The following CDH13 variants were observed in gnomAD, a reference collection of about 807,000 sequenced individuals.
CDH13 encodes the protein cadherin-13.
Under a neutral mutation model 63.8 loss-of-function variants are expected in CDH13, and 24 were observed. That is an observed-to-expected ratio of 0.38 (90% CI 0.27 to 0.53). The LOEUF (loss-of-function observed/expected upper bound fraction) is 0.53. CDH13 is among the 20% of genes least tolerant of loss of function. The probability of loss-of-function intolerance (pLI) is 0.85; values close to 1 mark genes in which losing one functional copy is unlikely to be tolerated. For missense variants in CDH13, 1,049 were observed against 903.1 expected, an observed-to-expected ratio of 1.16 and a Z score of -2.07; for synonymous variants, 503 against 355.3, an observed-to-expected ratio of 1.42 and a Z score of -4.67.
chr16:82,815,767 T>C (rs1434000746), intron 1 of CDH13, among the ~76,000 whole-genome samples: 2 of 152,198 alleles, frequency 1.3e-5, no homozygotes, highest in Non-Finnish European at 2.9e-5. Flanking sequence ...CCACCCATTA[T>C]ACTGTGAGGT....
intron 2 of CDH13, among the ~76,000 whole-genome samples, chr16:82,865,907 T>C (rs370306665): frequency 2.6e-5 from 4 of 152,222 alleles, no homozygotes; most frequent in African/African-American, 9.7e-5. Context: ...CTTCTCTTTG[T>C]GAATACGTAA....
intron 2 of CDH13, among the ~76,000 whole-genome samples, chr16:82,990,867 C>G (rs543915514): frequency 6.6e-6 from 1 of 152,112 alleles, no homozygotes; most frequent in Non-Finnish European, 1.5e-5. Context: ...TGAAGACTTT[C>G]TTATCAGATT....
intron 5 of CDH13, among the ~76,000 whole-genome samples, chr16:83,289,141 T>C (rs898544188): frequency 2.6e-5 from 4 of 152,170 alleles, no homozygotes; most frequent in Admixed American, 6.5e-5. Flanking sequence ...AAAAGACACA[T>C]TTCTGCTGGA....
Position 83,551,293 on chromosome 16 carries a change from G to T in CDH13, c.961-51161G>T, listed in dbSNP as rs1442473050. Among the ~76,000 whole-genome samples, 11 of 152,106 alleles carry T rather than the reference G, an allele frequency of 7.2e-5. 1 individual carries two copies. The highest frequency in any genetic ancestry group is 1.6e-4 in the Non-Finnish European group (11 of 68,022). On this transcript the variant is annotated intron_variant, in intron 7 of 13. Coordinates refer to ENST00000567109, the MANE Select transcript of CDH13 (RefSeq NM_001257.5). Reference sequence around the variant, plus strand: ...GACAAGGTTTCACCATGTTGAGCAGGTGACCCCAAGTGATCCACCTGCCTC... The same window carrying T: ...GACAAGGTTTCACCATGTTGAGCAGTTGACCCCAAGTGATCCACCTGCCTC...
intron 2 of CDH13, among the ~76,000 whole-genome samples, chr16:82,931,652 G>A (rs2042497403): frequency 6.6e-6 from 1 of 152,120 alleles, no homozygotes; most frequent in Non-Finnish European, 1.5e-5. Context: ...GTTCCATGTG[G>A]CTGGGGAGGC....
intron 1 of CDH13, among the ~76,000 whole-genome samples, chr16:82,733,960 A>G (rs1194566606): frequency 2.0e-5 from 3 of 152,244 alleles, no homozygotes; most frequent in Non-Finnish European, 2.9e-5. Flanking sequence ...TTCTTAGGGA[A>G]AAGAGAGGAT....
At chr16:82,999,714 C>T (rs1239103741) in intron 2 of CDH13, among the ~76,000 whole-genome samples, 1 of 152,144 alleles carries the variant, frequency 6.6e-6, no homozygotes, top group East Asian at 1.9e-4. Flanking sequence ...ACAGTTTGCA[C>T]TATATATTCC....
At chr16:82,834,345 G>A (rs12920407) in intron 1 of CDH13, among the ~76,000 whole-genome samples, 14,033 of 152,200 alleles carry the variant, frequency 0.092, 2,278 homozygotes, top group East Asian at 0.76. Context: ...ACCACGAGGA[G>A]GCCCCTAAAC....
intron 3 of CDH13, among the ~76,000 whole-genome samples, chr16:83,091,294 T>G (rs2033895999): frequency 1.3e-5 from 2 of 152,122 alleles, no homozygotes; most frequent in Admixed American, 1.3e-4. Context: ...CCATGAGCAC[T>G]TGGTAACCAT....
At chr16:82,742,567 C>T (rs1340877072) in intron 1 of CDH13, among the ~76,000 whole-genome samples, 1 of 152,044 alleles carries the variant, frequency 6.6e-6, no homozygotes, top group Non-Finnish European at 1.5e-5. Context: ...TAACTAAGAA[C>T]TGAAATGAAT....
At chr16:82,806,704 G>C (rs2037163196) in intron 1 of CDH13, among the ~76,000 whole-genome samples, 1 of 152,088 alleles carries the variant, frequency 6.6e-6, no homozygotes, top group African/African-American at 2.4e-5. Flanking sequence ...AAGCTCTGCA[G>C]GGCAGGGAGA....
chr16:83,602,929 AC>A (rs1265165827), intron 8 of CDH13, among the ~76,000 whole-genome samples: 3 of 152,226 alleles, frequency 2.0e-5, no homozygotes, highest in Non-Finnish European at 2.9e-5. Flanking sequence ...TTTTAGCATA[AC>A]AATAACTATT....
At chr16:83,136,574 G>T (rs1020904001) in intron 4 of CDH13, among the ~76,000 whole-genome samples, 25 of 151,934 alleles carry the variant, frequency 1.6e-4, no homozygotes, top group African/African-American at 5.6e-4. Context: ...GAGAAGCATA[G>T]CTCACCATCC....
In CDH13 at chr16:83,509,089, C is replaced by G. The variant is rs764241189; in HGVS notation, c.960+22434C>G. On this transcript the variant is annotated intron_variant, in intron 7 of 13. Transcript: ENST00000567109. The stretch of plus-strand genomic sequence containing the variant: ...ATTTGAAGCCAAGTTTCCATAATCC[C>G]TCTACTCAACCCCCTTCTTCCCCAG... 3.9e-5 allele frequency among the ~76,000 whole-genome samples: 6 copies of G among 152,218 alleles called. No individual in the cohort carries two copies. In the South Asian group the frequency reaches 8.3e-4, roughly 21 times the overall value.
rs59677448 is a variant in CDH13 at position 82,896,276 on chromosome 16, A to ATTT, written c.157+37834_157+37836dup. On this transcript the variant is annotated intron_variant, in intron 2 of 13. Coordinates refer to ENST00000567109, the MANE Select transcript of CDH13 (RefSeq NM_001257.5). ...GAGTCTTCTGAGAACTAGGATTAGG[A>ATTT]TTTTTTTTTTTTTTTTTTTTTTTTT... is the stretch of plus-strand genomic sequence containing the variant. Among the ~76,000 whole-genome samples the ATTT allele has an allele frequency of 4.8e-4, 42 of 87,842 alleles. 3 individuals carry two copies. The highest frequency in any genetic ancestry group is 3.5e-3 in the East Asian group (5 of 1,432). The allele number at this position is 87,842 out of a possible 152,430, so 57.6% of individuals were successfully genotyped here. A position where few individuals can be genotyped will look rare whatever the true frequency, so the allele number is the denominator to read the frequency against.
At chr16:83,394,757 G>A (rs1312510571) in intron 6 of CDH13, among the ~76,000 whole-genome samples, 6 of 152,180 alleles carry the variant, frequency 3.9e-5, no homozygotes, top group Non-Finnish European at 7.3e-5. Context: ...AGCCAGACTG[G>A]TAGCAATGGA....
intron 2 of CDH13, among the ~76,000 whole-genome samples, chr16:83,015,110 G>T (rs1273282532): frequency 1.3e-5 from 2 of 151,664 alleles, no homozygotes; most frequent in Non-Finnish European, 2.9e-5. Flanking sequence ...TGTATATATA[G>T]CTTGCAAATT....
At chr16:83,383,422 A>G (rs2091609453) in intron 6 of CDH13, among the ~76,000 whole-genome samples, 1 of 152,140 alleles carries the variant, frequency 6.6e-6, no homozygotes, top group Non-Finnish European at 1.5e-5. Flanking sequence ...TGCTCTCATG[A>G]GACCTCAACT....
chr16:82,772,917 A>G (rs2035328641), intron 1 of CDH13, among the ~76,000 whole-genome samples: 1 of 152,182 alleles, frequency 6.6e-6, no homozygotes, highest in Non-Finnish European at 1.5e-5. Context: ...TTCAGTGGCC[A>G]TCAGGATGAC....
Sources: gnomAD v4.1 joint callset for allele counts (sites outside exome capture counted in the v4.1 genomes callset) on GRCh38, gnomAD v4.1.1 for gene constraint, MANE v1.5 for transcripts, NCBI Gene and HGNC (gene_info 2026-07-23, HGNC 2026-07-21) for gene names.